The following CSNK1G1 variants were observed in gnomAD, a reference collection of about 807,000 sequenced individuals.
CSNK1G1 encodes the protein casein kinase 1 gamma 1, also known as casein kinase I isoform gamma-1.
In CSNK1G1, 22 loss-of-function variants were observed where a neutral mutation model predicts 59.6. The observed-to-expected ratio is 0.37, with a 90% CI of 0.26 to 0.53. The LOEUF (loss-of-function observed/expected upper bound fraction) is 0.53, where lower values mean the gene tolerates loss of function less well. Among genes scored for constraint, CSNK1G1 ranks in the 20% least tolerant of loss-of-function variants. The pLI is 0.89. For missense variants in CSNK1G1, 384 were observed against 519.5 expected (o/e 0.74, Z 2.54); for synonymous variants, 179 against 177.1 (o/e 1.01, Z -0.08).
intron 1 of CSNK1G1, among the ~76,000 whole-genome samples, chr15:64,318,322 A>C (rs1896382003): frequency 6.6e-6 from 1 of 152,088 alleles, no homozygotes; most frequent in Admixed American, 6.6e-5. Context: ...AAATAGCTGC[A>C]AATGATTTTC....
At chr15:64,237,094 G>A (rs893070445) in intron 4 of CSNK1G1, among the ~76,000 whole-genome samples, 2 of 152,084 alleles carry the variant, frequency 1.3e-5, no homozygotes, top group Admixed American at 6.6e-5. Context: ...TGTTGAGAGT[G>A]GAATTATAGA....
At chr15:64,236,397 A>T (rs970186982) in intron 4 of CSNK1G1, among the ~76,000 whole-genome samples, 1 of 152,200 alleles carries the variant, frequency 6.6e-6, no homozygotes, top group Admixed American at 6.6e-5. Flanking sequence ...GCAACTATTC[A>T]TCTGACAGGG....
chr15:64,302,311 G>C (rs1003070177), intron 1 of CSNK1G1, among the ~76,000 whole-genome samples: 1 of 152,020 alleles, frequency 6.6e-6, no homozygotes, highest in African/African-American at 2.4e-5. Flanking sequence ...ATGTTGGCCA[G>C]GCTGGTCTCG....
chr15:64,169,676 T>A lies in CSNK1G1; in HGVS notation c.*2255A>T, dbSNP rs565508841. On this transcript the variant is annotated 3_prime_UTR_variant, in exon 12 of 12. Coordinates refer to ENST00000303052, the MANE Select transcript of CSNK1G1 (RefSeq NM_022048.5). The stretch of plus-strand genomic sequence containing the variant: ...TAGTGATAGGGCTGTAACCACTAGG[T>A]AATGGCAAGGACATAAATCCCAATA... The A allele has an allele frequency of 1.3e-5, 2 of 152,322 alleles. No individual in the cohort carries two copies. Among genetic ancestry groups the A allele is most frequent in the East Asian group, 3.9e-4 (2 of 5,184 alleles). The allele number at this position is 152,322 out of a possible 1,614,324, so 9.4% of individuals were successfully genotyped here.
intron 2 of CSNK1G1, among the ~76,000 whole-genome samples, chr15:64,264,501 G>T (rs998059821): frequency 2.6e-5 from 4 of 152,128 alleles, no homozygotes; most frequent in Admixed American, 2.6e-4. Flanking sequence ...AAAGAGGAGG[G>T]GAATAATACT....
chr15:64,263,721 T>A (rs1892822295), intron 2 of CSNK1G1, among the ~76,000 whole-genome samples: 1 of 151,276 alleles, frequency 6.6e-6, no homozygotes, highest in African/African-American at 2.4e-5. Flanking sequence ...CACCTAACCA[T>A]CTGTGTTTCA....
At chr15:64,255,603 A>T (rs4776409) in intron 3 of CSNK1G1, among the ~76,000 whole-genome samples, 101,219 of 152,146 alleles carry the variant, frequency 0.67, 36,322 homozygotes, top group East Asian at 0.93. Flanking sequence ...AACAAAACTT[A>T]CTTTTCTCAG....
intron 4 of CSNK1G1, among the ~76,000 whole-genome samples, chr15:64,230,680 A>G (rs1163126177): frequency 6.6e-6 from 1 of 152,118 alleles, no homozygotes; most frequent in Non-Finnish European, 1.5e-5. Flanking sequence ...GGTATTTAAA[A>G]ATAAAATGGC....
chr15:64,289,255 T>C (rs186025731), intron 2 of CSNK1G1, among the ~76,000 whole-genome samples: 4 of 152,250 alleles, frequency 2.6e-5, no homozygotes, highest in Admixed American at 1.3e-4. Flanking sequence ...TGGTTAACCA[T>C]TCAAGATGTC....
chr15:64,347,349 G>A (rs991805608), intron 1 of CSNK1G1, among the ~76,000 whole-genome samples: 1 of 152,096 alleles, frequency 6.6e-6, no homozygotes, highest in Non-Finnish European at 1.5e-5. Flanking sequence ...ACACATGTAT[G>A]TTTATACCAG....
rs767079969 is a variant in CSNK1G1, at chr15:64,171,962, T to C, written c.1238A>G (p.Lys413Arg). Reference protein sequence around the residue: ...EAKCCCFFKRKRKKTAQRHK With the variant: ...EAKCCCFFKRRRKKTAQRHK The stretch of plus-strand genomic sequence containing the variant: ...GTGGCGCTGAGCAGTCTTCTTCCTT[T>C]TCCTCTTAAAGAAACAGCAGCACCT... Residue 413 changes from lysine (K) to arginine (R), a missense_variant, in exon 12 of 12, where the codon AAA (lysine) becomes AGA (arginine). Physicochemically the swap from Lys to Arg is conservative, Grantham distance 26. Coordinates refer to ENST00000303052, the MANE Select transcript of CSNK1G1 (RefSeq NM_022048.5). The surrounding 1 kb of genome is among the most constrained non-coding windows in gnomAD (Gnocchi z 4.8). 2 of 1,614,128 alleles carry C rather than the reference T, an allele frequency of 1.2e-6. No individual in the cohort carries two copies. Among genetic ancestry groups the C allele is most frequent in the Non-Finnish European group, 8.5e-7 (1 of 1,180,016 alleles).
chr15:64,250,629 C>T (rs1295266132), intron 4 of CSNK1G1, among the ~76,000 whole-genome samples: 1 of 152,082 alleles, frequency 6.6e-6, no homozygotes, highest in Non-Finnish European at 1.5e-5. Context: ...CCTACAGTAC[C>T]AGCTACTCAG....
At chr15:64,271,486 G>C (rs1198404062) in intron 2 of CSNK1G1, among the ~76,000 whole-genome samples, 5 of 148,160 alleles carry the variant, frequency 3.4e-5, no homozygotes, top group Non-Finnish European at 6.0e-5. Flanking sequence ...ACAGGGTCTC[G>C]CCATGTTGCC....
At chr15:64,224,094 T>C (rs2082425120) in intron 4 of CSNK1G1, among the ~76,000 whole-genome samples, 1 of 152,236 alleles carries the variant, frequency 6.6e-6, no homozygotes, top group South Asian at 2.1e-4. Context: ...TCTTTCATTC[T>C]TTTTTAAAAA....
At chr15:64,244,212 T>C (rs1386064996) in intron 4 of CSNK1G1, among the ~76,000 whole-genome samples, 2 of 151,632 alleles carry the variant, frequency 1.3e-5, no homozygotes, top group Non-Finnish European at 2.9e-5. Flanking sequence ...TAGTAGCATC[T>C]CTACATCCCA....
At chr15:64,318,770 C>T (rs1896405418) in intron 1 of CSNK1G1, among the ~76,000 whole-genome samples, 1 of 151,956 alleles carries the variant, frequency 6.6e-6, no homozygotes, top group African/African-American at 2.4e-5. Flanking sequence ...GCTAACGAGC[C>T]TGGCTAATTT....
chr15:64,264,140 A>G (rs988602911), intron 2 of CSNK1G1, among the ~76,000 whole-genome samples: 1 of 152,208 alleles, frequency 6.6e-6, no homozygotes, highest in Non-Finnish European at 1.5e-5. Context: ...ATTATAGATA[A>G]TCCTAAATGC....
At chr15:64,212,114 T>C (rs1487080444) in intron 6 of CSNK1G1, among the ~76,000 whole-genome samples, 1 of 152,254 alleles carries the variant, frequency 6.6e-6, no homozygotes, top group African/African-American at 2.4e-5. Flanking sequence ...AATATCCCTG[T>C]GAAGCATTAC....
At chr15:64,215,690 C>A (rs2082303420) in intron 5 of CSNK1G1, among the ~76,000 whole-genome samples, 1 of 152,178 alleles carries the variant, frequency 6.6e-6, no homozygotes, top group African/African-American at 2.4e-5. Context: ...TGACAAACTT[C>A]TCAAAGGAAC....
Sources: gnomAD v4.1 joint callset for allele counts (sites outside exome capture counted in the v4.1 genomes callset) on GRCh38, gnomAD v4.1.1 for gene constraint, Gnocchi (gnomAD v3.1) non-coding constraint, MANE v1.5 for transcripts, NCBI Gene and HGNC (gene_info 2026-07-23, HGNC 2026-07-21) for gene names.